The following ATG5 variants were observed in gnomAD, a reference collection of about 807,000 sequenced individuals.
ATG5 encodes autophagy related 5, also known as autophagy protein 5.
In ATG5, 14 loss-of-function variants were observed where a neutral mutation model predicts 36.5. The ratio of observed to expected loss-of-function variants is 0.38; its 90% CI spans 0.25 to 0.60. ATG5 has a LOEUF of 0.60. Ranked by LOEUF, ATG5 falls within the 20% of genes least tolerant of loss-of-function variation. The pLI is 0.60. For synonymous variants in ATG5, 95 were observed against 101.5 expected, an observed-to-expected ratio of 0.94 and a Z score of 0.38; for missense variants, 195 against 326.7, an observed-to-expected ratio of 0.60 and a Z score of 3.11.
chr6:106,220,984 T>G (rs1271514388), intron 6 of ATG5, among the ~76,000 whole-genome samples: 1 of 152,206 alleles, frequency 6.6e-6, no homozygotes, highest in African/African-American at 2.4e-5. Context: ...AAACATTCTT[T>G]GGACAGGAAC....
chr6:106,297,737 C>CAT, intron 3 of ATG5, among the ~76,000 whole-genome samples: 1 of 142,024 alleles, frequency 7.0e-6, no homozygotes, highest in Middle Eastern at 3.5e-3. Context: ...CACACACACA[C>CAT]ACACACACAC....
intron 4 of ATG5, among the ~76,000 whole-genome samples, chr6:106,285,238 A>G (rs1258178295): frequency 6.6e-6 from 1 of 152,208 alleles, no homozygotes; most frequent in Non-Finnish European, 1.5e-5. Flanking sequence ...ATATTTTTCT[A>G]AGCAGTTCTA....
chr6:106,234,989 T>C (rs1777837418), intron 6 of ATG5, among the ~76,000 whole-genome samples: 1 of 150,290 alleles, frequency 6.7e-6, no homozygotes, highest in Non-Finnish European at 1.5e-5. Flanking sequence ...TGTTATTATG[T>C]TATTTTAGCG....
chr6:106,229,152 G>T (rs995583440), intron 6 of ATG5, among the ~76,000 whole-genome samples: 1 of 152,212 alleles, frequency 6.6e-6, no homozygotes, highest in African/African-American at 2.4e-5. Flanking sequence ...GGTACTAATG[G>T]TTGAGACTTT....
intron 3 of ATG5, among the ~76,000 whole-genome samples, chr6:106,294,881 G>C (rs903851261): frequency 6.7e-6 from 1 of 148,528 alleles, no homozygotes; most frequent in Non-Finnish European, 1.5e-5. Flanking sequence ...ATGAACGCCC[G>C]GTCGGTAAAA....
At chr6:106,251,088 C>T (rs1778557429) in intron 5 of ATG5, among the ~76,000 whole-genome samples, 1 of 152,228 alleles carries the variant, frequency 6.6e-6, no homozygotes, top group Non-Finnish European at 1.5e-5. Context: ...TGCATAGGCA[C>T]ACTAATGGGC....
intron 3 of ATG5, among the ~76,000 whole-genome samples, chr6:106,304,974 C>G (rs1477341982): frequency 6.6e-6 from 1 of 152,010 alleles, no homozygotes; most frequent in Non-Finnish European, 1.5e-5. Flanking sequence ...GCCTGCAATT[C>G]CAGCTACTCA....
At chr6:106,278,614 A>AGTGAGTGTAATGTAATGTCTCT (rs1779751947) in intron 5 of ATG5, among the ~76,000 whole-genome samples, 2 of 152,164 alleles carry the variant, frequency 1.3e-5, no homozygotes, top group Admixed American at 1.3e-4. Flanking sequence ...AAAGTCAGCT[A>AGTGAGTGTAATGTAATGTCTCT]TTGCTTCCAT....
chr6:106,293,901 A>AGCC (rs1780424738), intron 3 of ATG5, among the ~76,000 whole-genome samples: 1 of 152,194 alleles, frequency 6.6e-6, no homozygotes, highest in Non-Finnish European at 1.5e-5. Context: ...AATCAGAATT[A>AGCC]AATAATACAG....
chr6:106,295,011 C>A (rs1348524510), intron 3 of ATG5, among the ~76,000 whole-genome samples: 1 of 150,856 alleles, frequency 6.6e-6, no homozygotes, highest in Non-Finnish European at 1.5e-5. Flanking sequence ...AATTCTGGAA[C>A]CAGGAAAAAC....
intron 5 of ATG5, among the ~76,000 whole-genome samples, chr6:106,274,186 C>G (rs1030539709): frequency 5.9e-5 from 9 of 152,154 alleles, no homozygotes; most frequent in African/African-American, 2.2e-4. Context: ...AAATCACTAG[C>G]TTATAAGAAA....
At chr6:106,222,702 G>T (rs1018230103) in intron 6 of ATG5, among the ~76,000 whole-genome samples, 1 of 152,184 alleles carries the variant, frequency 6.6e-6, no homozygotes, top group Non-Finnish European at 1.5e-5. Context: ...AGGCTATAAA[G>T]CCAGACTGGA....
At chr6:106,293,183 C>A in intron 3 of ATG5, 77 bp from the exon 4 acceptor site, 2 of 1,115,824 alleles carry the variant, frequency 1.8e-6, no homozygotes, top group Non-Finnish European at 2.7e-6. Flanking sequence ...ATTTCCAACA[C>A]ATATTTTAAC....
chr6:106,219,835 A>G (rs1459996267), intron 6 of ATG5, among the ~76,000 whole-genome samples: 4 of 152,180 alleles, frequency 2.6e-5, no homozygotes, highest in African/African-American at 9.6e-5. Context: ...ACTTTCATGA[A>G]AAGATTACAC....
chr6:106,262,593 T>C (rs1392769300), intron 5 of ATG5, among the ~76,000 whole-genome samples: 1 of 152,178 alleles, frequency 6.6e-6, no homozygotes, highest in African/African-American at 2.4e-5. Flanking sequence ...AGTTCCGGTC[T>C]GCAGCTCCCA....
intron 5 of ATG5, among the ~76,000 whole-genome samples, chr6:106,257,432 G>C (rs1462018915): frequency 6.6e-6 from 1 of 152,164 alleles, no homozygotes; most frequent in Non-Finnish European, 1.5e-5. Context: ...AATGCATTGT[G>C]CTATGATGGT....
intron 4 of ATG5, among the ~76,000 whole-genome samples, chr6:106,281,449 T>C (rs1464812102): frequency 6.6e-6 from 1 of 152,218 alleles, no homozygotes; most frequent in Non-Finnish European, 1.5e-5. Context: ...TTATGTAACT[T>C]AGTATCTTTC....
intron 6 of ATG5, among the ~76,000 whole-genome samples, chr6:106,213,602 T>C (rs1193154840): frequency 1.3e-5 from 2 of 152,176 alleles, no homozygotes; most frequent in African/African-American, 4.8e-5. Context: ...ATAATGGTAC[T>C]TCTGAGAAAT....
At chr6:106,290,236 A>T (rs1780248764) in intron 4 of ATG5, among the ~76,000 whole-genome samples, 1 of 146,844 alleles carries the variant, frequency 6.8e-6, no homozygotes, top group Admixed American at 6.8e-5. Flanking sequence ...ATTTTATTTT[A>T]TTTATCTATT....
Sources: allele counts gnomAD v4.1 joint callset (sites outside exome capture counted in the v4.1 genomes callset), GRCh38; gene constraint gnomAD v4.1.1; transcripts MANE v1.5; gene names NCBI Gene and HGNC (gene_info 2026-07-23, HGNC 2026-07-21).